The following EFCAB7 variants were observed in gnomAD, a reference collection of about 807,000 sequenced individuals.
EFCAB7 encodes EF-hand calcium binding domain 7, also known as EF-hand calcium-binding domain-containing protein 7.
In EFCAB7, 66 loss-of-function variants were observed where a neutral mutation model predicts 77.1. The observed-to-expected ratio is 0.86, with a 90% CI of 0.70 to 1.05. The LOEUF is 1.05. EFCAB7 is among the 50% of genes least tolerant of loss of function. The pLI is 0.00. For synonymous variants in EFCAB7, 225 were observed against 243.3 expected (o/e 0.92, Z 0.70); for missense variants, 638 against 730.5 (o/e 0.87, Z 1.46).
At chr1:63,582,752 A>C in the EFCAB7 span, among the ~76,000 whole-genome samples, 1 of 152,060 alleles carries the variant, frequency 6.6e-6, no homozygotes, top group Admixed American at 6.6e-5. Context: ...CTACGGGTGT[A>C]TGCCACCATG....
Position 63,534,372 on chromosome 1 carries a change from T to C in EFCAB7, c.804+156T>C, listed in dbSNP as rs150584427. 103 of 556,344 alleles carry C rather than the reference T, an allele frequency of 1.9e-4. 1 individual carries two copies. In the East Asian group the frequency reaches 2.9e-3, roughly 16 times the overall value. The allele number at this position is 556,344 out of a possible 1,614,324, so 34.5% of individuals were successfully genotyped here. A position where few individuals can be genotyped will look rare whatever the true frequency, so the allele number is the denominator to read the frequency against. On this transcript the variant is annotated intron_variant, in intron 6 of 13. Transcript: ENST00000371088. The stretch of plus-strand genomic sequence containing the variant: ...CTACCTGTAAGCTAGTGTAATACTT[T>C]TAAATTAAAAATGATGAATATTATT...
intron 6 of EFCAB7, among the ~76,000 whole-genome samples, chr1:63,537,147 A>G (rs1646772924): frequency 6.6e-6 from 1 of 152,180 alleles, no homozygotes; most frequent in Admixed American, 6.5e-5. Flanking sequence ...CTGCATTATT[A>G]TTCTTTTTAA....
At chr1:63,562,494 T>TATATATAA (rs1647120028) in intron 11 of EFCAB7, among the ~76,000 whole-genome samples, 2 of 102,122 alleles carry the variant, frequency 2.0e-5, no homozygotes, top group African/African-American at 5.4e-5. Flanking sequence ...TATATATATA[T>TATATATAA]AAAACTTTTT....
intron 7 of EFCAB7, among the ~76,000 whole-genome samples, chr1:63,550,852 A>C (rs1646955971): frequency 1.4e-5 from 2 of 147,502 alleles, no homozygotes; most frequent in Non-Finnish European, 1.5e-5. Context: ...AAAGAGTTAA[A>C]GAAGATTCCA....
At chr1:63,531,685 A>G in intron 2 of EFCAB7, 135 bp from the exon 3 acceptor site, 1 of 787,420 alleles carries the variant, frequency 1.3e-6, no homozygotes, top group South Asian at 1.7e-5. Context: ...TAGATAAGTC[A>G]ACACCAAAGT....
chr1:63,581,777 G>T, the EFCAB7 span, among the ~76,000 whole-genome samples: 1 of 152,060 alleles, frequency 6.6e-6, no homozygotes, highest in Non-Finnish European at 1.5e-5. Context: ...GCAAGAAAAA[G>T]TTAGGTATGT....
At chr1:63,528,587 AC>A (rs1309693965) in intron 2 of EFCAB7, among the ~76,000 whole-genome samples, 2 of 152,218 alleles carry the variant, frequency 1.3e-5, no homozygotes, top group African/African-American at 4.8e-5. Flanking sequence ...ATTGTTTGAA[AC>A]AAAGGATAAA....
chr1:63,576,116 C>T (rs217463), downstream of EFCAB7, among the ~76,000 whole-genome samples: 91,798 of 151,996 alleles, frequency 0.6, 29,473 homozygotes, highest in African/African-American at 0.82. Flanking sequence ...GGACCTGATT[C>T]AGAGGATATA....
At chr1:63,536,014 G>A (rs1646758705) in intron 6 of EFCAB7, among the ~76,000 whole-genome samples, 1 of 152,066 alleles carries the variant, frequency 6.6e-6, no homozygotes, top group Admixed American at 6.6e-5. Context: ...GCCAAAATTA[G>A]TCTGTAAGTC....
rs145293247 is a variant in EFCAB7, at chr1:63,533,587, C to T, written c.620C>T (p.Pro207Leu). The T allele has an allele frequency of 8.8e-5, 141 of 1,608,708 alleles. No individual in the cohort carries two copies. In the African/African-American group the frequency reaches 1.8e-3, roughly 21 times the overall value. ...GGGTCCCCTGAAAGGGACCCATCAC[C>T]AGTACCAAAACCATCACCTAAAATC... ...IEGSPERDPS[P>L]VPKPSPKITR... Residue 207 changes from proline to leucine, a missense_variant, in exon 5 of 14, where the codon CCA becomes CTA. Pro to Leu is a moderately conservative substitution (Grantham distance 98, BLOSUM62 -3). Coordinates refer to ENST00000371088, the MANE Select transcript of EFCAB7 (RefSeq NM_032437.4).
chr1:63,561,907 T>C (rs1433589092), intron 11 of EFCAB7, 50 bp downstream of exon 11: 1 of 1,339,854 alleles, frequency 7.5e-7, no homozygotes, highest in Non-Finnish European at 9.8e-7. Context: ...CATAATATTT[T>C]ACTTTATGAA....
At chr1:63,534,019 A>T in intron 5 of EFCAB7, 76 bp from the exon 6 acceptor site, 1 of 1,500,244 alleles carries the variant, frequency 6.7e-7, no homozygotes, top group Non-Finnish European at 9.2e-7. Flanking sequence ...GATCTTTTAT[A>T]CTGCACTGTG....
At chr1:63,555,605 C>G (rs1433630701) in intron 9 of EFCAB7, 90 bp downstream of exon 9, 18 of 1,088,952 alleles carry the variant, frequency 1.7e-5, no homozygotes, top group Non-Finnish European at 2.3e-5. Flanking sequence ...AGCTCCCACC[C>G]CCATCCTCAG....
At chr1:63,532,144 G>T (rs1646705348) in intron 3 of EFCAB7, 113 bp downstream of exon 3, 2 of 745,550 alleles carry the variant, frequency 2.7e-6, no homozygotes, top group East Asian at 5.4e-5. Flanking sequence ...GAGGTTAAAT[G>T]AATTACTTAC....
At chr1:63,539,540 T>C (rs181285373) in intron 6 of EFCAB7, among the ~76,000 whole-genome samples, 2 of 152,292 alleles carry the variant, frequency 1.3e-5, no homozygotes, top group Non-Finnish European at 2.9e-5. Flanking sequence ...AGAATATAAC[T>C]TACACACTGG....
At chr1:63,562,448 TTTATATATA>T (rs1647115369) in intron 11 of EFCAB7, among the ~76,000 whole-genome samples, 2 of 44,890 alleles carry the variant, frequency 4.5e-5, no homozygotes, top group South Asian at 1.5e-3. Flanking sequence ...TCTTAATTTA[TTTATATATA>T]TATATATATA....
chr1:63,551,888 T>G, intron 8 of EFCAB7, 54 bp downstream of exon 8: 4 of 1,149,234 alleles, frequency 3.5e-6, no homozygotes, highest in Non-Finnish European at 4.8e-6. Context: ...TGAACTGCAG[T>G]TTGGGGAAAG....
chr1:63,558,974 G>A (rs1647061593), intron 10 of EFCAB7, among the ~76,000 whole-genome samples: 2 of 151,216 alleles, frequency 1.3e-5, no homozygotes, highest in South Asian at 4.2e-4. Context: ...CTTGAGGCCA[G>A]GATTTCAAGA....
intron 11 of EFCAB7, among the ~76,000 whole-genome samples, chr1:63,562,879 CTT>C (rs1452246821): frequency 2.0e-5 from 3 of 152,064 alleles, no homozygotes; most frequent in African/African-American, 7.2e-5. Flanking sequence ...GCAATACTAA[CTT>C]TGACAAATTT....
Sources: allele counts gnomAD v4.1 joint callset (sites outside exome capture counted in the v4.1 genomes callset), GRCh38; gene constraint gnomAD v4.1.1; transcripts MANE v1.5; gene names NCBI Gene and HGNC (gene_info 2026-07-23, HGNC 2026-07-21).